Variants in PTPRD observed in about 807,000 individuals in gnomAD.
PTPRD encodes the protein receptor-type tyrosine-protein phosphatase delta.
Under a neutral mutation model 214.5 loss-of-function variants are expected in PTPRD, and 34 were observed. The observed-to-expected ratio is 0.16, with a 90% confidence interval of 0.12 to 0.21. PTPRD has a LOEUF of 0.21. Ranked by LOEUF, PTPRD falls within the 10% of genes least tolerant of loss-of-function variation. The probability of loss-of-function intolerance (pLI) is 1.00; values close to 1 mark genes in which losing one functional copy is unlikely to be tolerated. For missense variants in PTPRD, 2,545 were observed against 2,398.7 expected, an observed-to-expected ratio of 1.06 and a Z score of -1.27; for synonymous variants, 1,128 against 845.7, an observed-to-expected ratio of 1.33 and a Z score of -5.79.
At chr9:9,955,506 T>G (rs543810784) in intron 4 of PTPRD, among the ~76,000 whole-genome samples, 5 of 149,898 alleles carry the variant, frequency 3.3e-5, no homozygotes, top group Admixed American at 2.0e-4. Flanking sequence ...GTTTTCGTTT[T>G]TTTTGTTTTG....
At chr9:9,421,918 G>T (rs1184158469) in intron 8 of PTPRD, among the ~76,000 whole-genome samples, 1 of 150,592 alleles carries the variant, frequency 6.6e-6, no homozygotes, top group Non-Finnish European at 1.5e-5. Flanking sequence ...TGATGGAAAA[G>T]AATGGAGAAT....
chr9:10,442,715 G>A (rs2098768547), intron 2 of PTPRD, among the ~76,000 whole-genome samples: 1 of 151,468 alleles, frequency 6.6e-6, no homozygotes, highest in South Asian at 2.1e-4. Flanking sequence ...GGAAAACAAG[G>A]CAAGCATAAA....
At chr9:10,487,306 A>G (rs562950994) in intron 2 of PTPRD, among the ~76,000 whole-genome samples, 2 of 152,164 alleles carry the variant, frequency 1.3e-5, no homozygotes, top group East Asian at 3.9e-4. Flanking sequence ...GTTACTATTG[A>G]TAAGGAAGGA....
chr9:8,589,654 C>A (rs773509499), intron 14 of PTPRD, among the ~76,000 whole-genome samples: 6 of 152,154 alleles, frequency 3.9e-5, no homozygotes, highest in Admixed American at 1.3e-4. Flanking sequence ...CAGTGAGTTC[C>A]CAGCAGGGGT....
At chr9:9,032,713 C>T (rs1418547778) in intron 10 of PTPRD, among the ~76,000 whole-genome samples, 2 of 152,010 alleles carry the variant, frequency 1.3e-5, no homozygotes, top group African/African-American at 4.8e-5. Flanking sequence ...GGTTTGCATC[C>T]CGGCTCTGGC....
intron 5 of PTPRD, among the ~76,000 whole-genome samples, chr9:9,852,191 T>C (rs1483844305): frequency 1.3e-5 from 2 of 151,910 alleles, no homozygotes; most frequent in Non-Finnish European, 2.9e-5. Flanking sequence ...AAATGAAATA[T>C]GGAATGAAAA....
At chr9:9,165,361 C>T (rs2130715936) in intron 10 of PTPRD, among the ~76,000 whole-genome samples, 1 of 152,206 alleles carries the variant, frequency 6.6e-6, no homozygotes, top group Admixed American at 6.5e-5. Context: ...AAGGCATTGC[C>T]TTCAAAGAGA....
intron 11 of PTPRD, among the ~76,000 whole-genome samples, chr9:9,009,157 T>C (rs200064100): frequency 2.0e-5 from 3 of 149,662 alleles, no homozygotes; most frequent in African/African-American, 7.3e-5. Flanking sequence ...GATTTTTTTT[T>C]CCAATATCTA....
intron 10 of PTPRD, among the ~76,000 whole-genome samples, chr9:9,168,808 G>C (rs976078889): frequency 6.6e-6 from 1 of 151,822 alleles, no homozygotes; most frequent in African/African-American, 2.4e-5. Flanking sequence ...TTTGTTACGG[G>C]TACATTTGAA....
At chr9:9,654,319 A>T (rs2096455195) in intron 7 of PTPRD, among the ~76,000 whole-genome samples, 1 of 152,170 alleles carries the variant, frequency 6.6e-6, no homozygotes, top group African/African-American at 2.4e-5. Context: ...TTCTTATAAA[A>T]AGTTTAATGC....
intron 4 of PTPRD, among the ~76,000 whole-genome samples, chr9:9,977,183 G>T (rs2095387428): frequency 6.6e-6 from 1 of 152,130 alleles, no homozygotes; most frequent in South Asian, 2.1e-4. Flanking sequence ...GACCTTGATA[G>T]GTGGATTCCC....
Position 10,126,959 on chromosome 9 carries a change from T to TC in PTPRD, c.-544-93170_-544-93169insG, listed in dbSNP as rs556908799. 8.2e-4 allele frequency among the ~76,000 whole-genome samples: 125 copies of TC among 151,932 alleles called. No individual in the cohort carries two copies. The Middle Eastern group carries it at 0.01, about 12-fold the overall frequency. On this transcript the variant is annotated intron_variant, in intron 3 of 45. Coordinates refer to ENST00000381196, the MANE Select transcript of PTPRD (RefSeq NM_002839.4). ...GTCTCAAATGGACTTTTTTTTTTTT[T>TC]TTTTGGCAGAAACACTGCACATGTG... is the stretch of plus-strand genomic sequence containing the variant.
chr9:9,590,563 A>G (rs1272725114), intron 7 of PTPRD, among the ~76,000 whole-genome samples: 1 of 152,022 alleles, frequency 6.6e-6, no homozygotes, highest in Non-Finnish European at 1.5e-5. Context: ...TTAACAATTC[A>G]GAAATATTAA....
At chr9:9,897,863 C>T (rs570958897) in intron 5 of PTPRD, among the ~76,000 whole-genome samples, 1 of 152,018 alleles carries the variant, frequency 6.6e-6, no homozygotes, top group African/African-American at 2.4e-5. Flanking sequence ...TCTGTAAGAG[C>T]CTAATAGTAT....
At chr9:8,359,130 AAAAAAAAAC>A (rs1467441967) in intron 39 of PTPRD, among the ~76,000 whole-genome samples, 31,789 of 83,598 alleles carry the variant, frequency 0.38, 12,481 homozygotes, top group Non-Finnish European at 0.5. Flanking sequence ...AAACAAAAAA[AAAAAAAAAC>A]AAAAAAAAAT....
intron 2 of PTPRD, among the ~76,000 whole-genome samples, chr9:10,352,346 C>T (rs1358337770): frequency 1.3e-5 from 2 of 151,998 alleles, no homozygotes; most frequent in Non-Finnish European, 2.9e-5. Flanking sequence ...TACATCACTT[C>T]AATTGGGCAG....
At chr9:8,469,177 A>T (rs1397154199) in intron 31 of PTPRD, among the ~76,000 whole-genome samples, 1 of 151,998 alleles carries the variant, frequency 6.6e-6, no homozygotes, top group Admixed American at 6.6e-5. Context: ...AGCAGCGGAG[A>T]CCCACAGAAT....
chr9:9,192,535 A>G (rs2099935873), intron 9 of PTPRD, among the ~76,000 whole-genome samples: 1 of 152,104 alleles, frequency 6.6e-6, no homozygotes, highest in African/African-American at 2.4e-5. Context: ...GGAAGCAACA[A>G]TTCATAATTT....
intron 6 of PTPRD, among the ~76,000 whole-genome samples, chr9:9,740,951 T>C (rs1252660607): frequency 6.6e-6 from 1 of 152,126 alleles, no homozygotes. Context: ...AGGTTCATTG[T>C]GGAAATAGAT....
Sources: gnomAD v4.1 joint callset for allele counts (sites outside exome capture counted in the v4.1 genomes callset) on GRCh38, gnomAD v4.1.1 for gene constraint, MANE v1.5 for transcripts, NCBI Gene and HGNC (gene_info 2026-07-23, HGNC 2026-07-21) for gene names.